Variants in MAP3K13 observed in about 807,000 individuals in gnomAD.
MAP3K13 encodes the protein mitogen-activated protein kinase kinase kinase 13.
MAP3K13 carries 52 observed loss-of-function variants against 104.0 expected under a neutral mutation model. The ratio of observed to expected loss-of-function variants is 0.50; its 90% CI spans 0.40 to 0.63. The LOEUF (loss-of-function observed/expected upper bound fraction) is 0.63. Ranked by LOEUF, MAP3K13 falls within the 20% of genes least tolerant of loss-of-function variation. MAP3K13 has a pLI of 0.00. For missense variants in MAP3K13, 914 were observed against 1,218.5 expected (o/e 0.75, Z 3.72); for synonymous variants, 394 against 442.2 (o/e 0.89, Z 1.37).
intron 2 of MAP3K13, among the ~76,000 whole-genome samples, chr3:185,290,229 AC>A (rs1472282562): frequency 6.6e-6 from 1 of 152,140 alleles, no homozygotes; most frequent in Non-Finnish European, 1.5e-5. Context: ...GCTTGAAAAA[AC>A]TTTAAAAAAA....
intron 7 of MAP3K13, among the ~76,000 whole-genome samples, chr3:185,459,207 C>T (rs1250955225): frequency 2.0e-5 from 3 of 152,156 alleles, no homozygotes; most frequent in South Asian, 2.1e-4. Flanking sequence ...GGAGCAGATA[C>T]GTATGCAGAG....
intron 2 of MAP3K13, among the ~76,000 whole-genome samples, chr3:185,350,750 C>T (rs1398551350): frequency 6.6e-6 from 1 of 152,112 alleles, no homozygotes; most frequent in Non-Finnish European, 1.5e-5. Flanking sequence ...GAAAAGGGAA[C>T]GTGTATACAC....
chr3:185,351,960 T>C (rs1723154455), intron 2 of MAP3K13, among the ~76,000 whole-genome samples: 1 of 152,202 alleles, frequency 6.6e-6, no homozygotes, highest in African/African-American at 2.4e-5. Flanking sequence ...ATGGTACAAG[T>C]TGACTCAGTG....
intron 3 of MAP3K13, among the ~76,000 whole-genome samples, chr3:185,439,842 A>T (rs1468245795): frequency 6.6e-6 from 1 of 152,094 alleles, no homozygotes; most frequent in African/African-American, 2.4e-5. Flanking sequence ...GGCTGAAGAC[A>T]CTTGAATAGT....
intron 11 of MAP3K13, 101 bp from the exon 12 acceptor site, chr3:185,477,225 A>C: frequency 2.6e-6 from 2 of 773,888 alleles, no homozygotes; most frequent in Non-Finnish European, 4.6e-6. Flanking sequence ...TAAATGAATG[A>C]CTTTTGATGA....
In MAP3K13 at chr3:185,404,395, G is replaced by A. The variant is rs141364890; in HGVS notation, c.-85-24102G>A. ...AGGCAGGGAGGAAAGCACAGTGATG[G>A]AGATGAGATCAATTCTGGGGGCAAA... On this transcript the variant is annotated intron_variant, in intron 1 of 13. Coordinates refer to ENST00000265026, the MANE Select transcript of MAP3K13 (RefSeq NM_004721.5). Among the ~76,000 whole-genome samples the A allele has an allele frequency of 3.3e-3, 496 of 152,294 alleles. 4 individuals are homozygous for A. The highest frequency in any genetic ancestry group is 0.011 in the African/African-American group (446 of 41,560).
At chr3:185,365,911 C>A (rs867668128) in intron 1 of MAP3K13, among the ~76,000 whole-genome samples, 642 of 56,172 alleles carry the variant, frequency 0.011, 41 homozygotes, top group African/African-American at 0.049. Context: ...CCTCCCCTCT[C>A]TTCCCCTCCC....
intron 1 of MAP3K13, among the ~76,000 whole-genome samples, chr3:185,407,957 G>A (rs1423929781): frequency 7.1e-6 from 1 of 140,792 alleles, no homozygotes. Context: ...GCTCACTGTA[G>A]CCTTGAACTC....
At chr3:185,287,774 G>C (rs532879728) in intron 2 of MAP3K13, among the ~76,000 whole-genome samples, 1 of 152,144 alleles carries the variant, frequency 6.6e-6, no homozygotes, top group Non-Finnish European at 1.5e-5. Flanking sequence ...ATAGGCTCAT[G>C]CCTGTAATCC....
At chr3:185,463,021 G>T (rs879541659) in intron 7 of MAP3K13, among the ~76,000 whole-genome samples, 5 of 151,496 alleles carry the variant, frequency 3.3e-5, no homozygotes, top group Non-Finnish European at 7.4e-5. Flanking sequence ...CCAAATTCCC[G>T]TATAGCTTCT....
chr3:185,394,943 A>G (rs1320127815), intron 1 of MAP3K13, among the ~76,000 whole-genome samples: 1 of 152,184 alleles, frequency 6.6e-6, no homozygotes, highest in African/African-American at 2.4e-5. Flanking sequence ...GAGATAAACT[A>G]TAGAAAAATG....
rs1264015442 is a variant in MAP3K13 at position 185,315,943 on chromosome 3, TC to T, written c.-86+30301del. Among the ~76,000 whole-genome samples the T allele has an allele frequency of 2.6e-5, 4 of 152,102 alleles. No individual in the cohort carries two copies. The highest frequency in any genetic ancestry group is 7.2e-5 in the African/African-American group (3 of 41,414). On this transcript the variant is annotated intron_variant, in intron 2 of 14. Transcript: ENST00000424227. This position sits in a 1 kb window ranked among gnomAD's most constrained non-coding sequence, Gnocchi z 4.3. ...TTATGAGTCATTAAGGTATAGAAGA[TC>T]AATTAGAGAAAGCCCTGAACAGAAA...
At chr3:185,294,712 C>T (rs1720858776) in intron 2 of MAP3K13, among the ~76,000 whole-genome samples, 1 of 152,160 alleles carries the variant, frequency 6.6e-6, no homozygotes, top group South Asian at 2.1e-4. Flanking sequence ...TCTTCCTCCA[C>T]TCCTTTGCCA....
At chr3:185,426,577 G>C (rs568885539) in intron 1 of MAP3K13, among the ~76,000 whole-genome samples, 1 of 152,096 alleles carries the variant, frequency 6.6e-6, no homozygotes, top group Non-Finnish European at 1.5e-5. Flanking sequence ...AACTCAGCCT[G>C]GCATGCAAAG....
At chr3:185,293,781 A>C (rs1189884581) in intron 2 of MAP3K13, among the ~76,000 whole-genome samples, 3 of 152,154 alleles carry the variant, frequency 2.0e-5, no homozygotes, top group Non-Finnish European at 2.9e-5. Flanking sequence ...ACACATTTGG[A>C]TTCCTAGGAG....
rs1348474903 is a variant in MAP3K13, at chr3:185,299,690, C to T, written c.-86+14047C>T. On this transcript the variant is annotated intron_variant, in intron 2 of 14. Transcript: ENST00000424227. Reference sequence around the variant, plus strand: ...CACGCCATTCTCCTGCCTCAGCCTCCCGAGTAGCTGGGACTACAGGCGCCC... The same window carrying T: ...CACGCCATTCTCCTGCCTCAGCCTCTCGAGTAGCTGGGACTACAGGCGCCC... Among the ~76,000 whole-genome samples, 2 of 47,902 alleles carry T rather than the reference C, an allele frequency of 4.2e-5. 1 individual carries two copies. Among genetic ancestry groups the T allele is most frequent in the African/African-American group, 1.1e-4 (2 of 18,640 alleles). 31.4% of individuals were successfully genotyped at this position (47,902 alleles called of 152,430 possible). A position where few individuals can be genotyped will look rare whatever the true frequency, so the allele number is the denominator to read the frequency against.
intron 2 of MAP3K13, among the ~76,000 whole-genome samples, chr3:185,336,553 AAAAAG>A (rs1487785956): frequency 1.8e-5 from 2 of 111,984 alleles, no homozygotes; most frequent in Admixed American, 2.0e-4. Flanking sequence ...AAAAAAAAAA[AAAAAG>A]AAAAGAAAGT....
upstream of MAP3K13, among the ~76,000 whole-genome samples, chr3:185,358,232 CAGG>C (rs1322089927): frequency 6.6e-6 from 1 of 152,056 alleles, no homozygotes; most frequent in Non-Finnish European, 1.5e-5. Context: ...TTCCCAGCAG[CAGG>C]GTCGAAAAAA....
chr3:185,443,675 T>C, intron 4 of MAP3K13, 39 bp downstream of exon 4: 2 of 1,580,906 alleles, frequency 1.3e-6, no homozygotes, highest in Non-Finnish European at 1.7e-6. Flanking sequence ...TTTTGGTTTG[T>C]TGTTTTGAAA....
Sources: gnomAD v4.1 joint callset for allele counts (sites outside exome capture counted in the v4.1 genomes callset) on GRCh38, gnomAD v4.1.1 for gene constraint, Gnocchi (gnomAD v3.1) non-coding constraint, MANE v1.5 for transcripts, NCBI Gene and HGNC (gene_info 2026-07-23, HGNC 2026-07-21) for gene names.